Variants in DOCK3 observed in about 807,000 individuals in gnomAD.
DOCK3 encodes dedicator of cytokinesis 3.
DOCK3 carries 60 observed loss-of-function variants against 265.6 expected under a neutral mutation model. The ratio of observed to expected loss-of-function variants is 0.23; its 90% CI spans 0.18 to 0.28. The LOEUF is 0.28. Ranked by LOEUF, DOCK3 falls within the 10% of genes least tolerant of loss-of-function variation. The pLI is 1.00. For synonymous variants in DOCK3, 881 were observed against 938.0 expected, an observed-to-expected ratio of 0.94 and a Z score of 1.11; for missense variants, 1,981 against 2,594.3, an observed-to-expected ratio of 0.76 and a Z score of 5.14.
chr3:51,232,709 T>G (rs2078178522), intron 19 of DOCK3, among the ~76,000 whole-genome samples: 1 of 152,230 alleles, frequency 6.6e-6, no homozygotes, highest in Non-Finnish European at 1.5e-5. Flanking sequence ...CTTTGTCCAC[T>G]TTTTGATGGG....
intron 5 of DOCK3, among the ~76,000 whole-genome samples, chr3:51,013,021 C>A (rs140349382): frequency 6.6e-6 from 1 of 152,306 alleles, no homozygotes; most frequent in African/African-American, 2.4e-5. Flanking sequence ...GTCTTCTCCA[C>A]ACTGTTTATT....
At chr3:51,027,532 T>A (rs2079871619) in intron 5 of DOCK3, among the ~76,000 whole-genome samples, 1 of 152,182 alleles carries the variant, frequency 6.6e-6, no homozygotes, top group Non-Finnish European at 1.5e-5. Context: ...ATTCTGTCAA[T>A]GGGGTTTTGA....
rs770125264 is a variant in DOCK3, at chr3:51,275,065, A to G, written c.2549-14A>G. 2.5e-6 allele frequency: 4 copies of G among 1,613,462 alleles called. No homozygotes were observed. Among genetic ancestry groups the G allele is most frequent in the Non-Finnish European group, 3.4e-6 (4 of 1,179,770 alleles). ...CCTCTAAAGTTTTCTTCACCTTTGTATTTTCTCTCCCAGAATCCCGCCGCA... is the reference window on the plus strand; with the variant it reads ...CCTCTAAAGTTTTCTTCACCTTTGTGTTTTCTCTCCCAGAATCCCGCCGCA... On this transcript the variant is annotated splice_polypyrimidine_tract_variant and intron_variant, in intron 24 of 52. Transcript: ENST00000266037.
intron 2 of DOCK3, among the ~76,000 whole-genome samples, chr3:50,781,411 G>A (rs1465546507): frequency 6.6e-6 from 1 of 151,488 alleles, no homozygotes; most frequent in African/African-American, 2.4e-5. Context: ...GACTACAGGT[G>A]CACAACATCA....
At chr3:50,899,048 C>T (rs562054677) in intron 4 of DOCK3, among the ~76,000 whole-genome samples, 3 of 152,200 alleles carry the variant, frequency 2.0e-5, no homozygotes, top group African/African-American at 7.2e-5. Context: ...TTTTCTGTCT[C>T]GTTGATCTGT....
At chr3:50,729,609 C>T (rs1242020717) in intron 1 of DOCK3, among the ~76,000 whole-genome samples, 6 of 151,718 alleles carry the variant, frequency 4.0e-5, no homozygotes, top group African/African-American at 1.2e-4. Flanking sequence ...GATCATAGCT[C>T]ACTGTAACCT....
chr3:51,210,627 TG>T (rs1300346092), intron 13 of DOCK3, among the ~76,000 whole-genome samples: 2 of 152,258 alleles, frequency 1.3e-5, no homozygotes, highest in African/African-American at 4.8e-5. Flanking sequence ...TTTCTACTGC[TG>T]GACTCTGGGG....
chr3:51,080,584 G>A (rs1002073153), intron 7 of DOCK3, among the ~76,000 whole-genome samples: 3 of 152,126 alleles, frequency 2.0e-5, no homozygotes, highest in Non-Finnish European at 4.4e-5. Flanking sequence ...TGCCCATGTG[G>A]TATGCTTTCA....
chr3:51,121,258 C>T (rs1006744385), intron 9 of DOCK3, among the ~76,000 whole-genome samples: 2 of 152,174 alleles, frequency 1.3e-5, no homozygotes, highest in African/African-American at 4.8e-5. Context: ...GTTCCCCAAC[C>T]CCTTGTGCTT....
chr3:51,111,302 G>C (rs1474323145), intron 9 of DOCK3, among the ~76,000 whole-genome samples: 1 of 152,078 alleles, frequency 6.6e-6, no homozygotes, highest in Non-Finnish European at 1.5e-5. Flanking sequence ...ACTCTACTTT[G>C]TTGTTTTAAA....
At chr3:51,211,061 T>C (rs934631375) in intron 13 of DOCK3, among the ~76,000 whole-genome samples, 1 of 152,234 alleles carries the variant, frequency 6.6e-6, no homozygotes, top group South Asian at 2.1e-4. Flanking sequence ...AAGTTTTCTG[T>C]TTATTTTAAA....
At chr3:51,334,944 A>T (rs1037264675) in intron 35 of DOCK3, among the ~76,000 whole-genome samples, 1 of 152,190 alleles carries the variant, frequency 6.6e-6, no homozygotes, top group Non-Finnish European at 1.5e-5. Context: ...CAAAGTCTTT[A>T]ATATGGCATC....
chr3:51,249,311 C>A (rs561939644), intron 22 of DOCK3, among the ~76,000 whole-genome samples: 1 of 140,906 alleles, frequency 7.1e-6, no homozygotes, highest in East Asian at 2.2e-4. Flanking sequence ...CCAGCCGCCC[C>A]GTCCGGGAGG....
intron 21 of DOCK3, among the ~76,000 whole-genome samples, chr3:51,246,045 C>G (rs1402522593): frequency 1.3e-5 from 2 of 152,102 alleles, no homozygotes; most frequent in Non-Finnish European, 2.9e-5. Context: ...TAATCTCATT[C>G]CATTCAGATG....
At chr3:51,292,872 G>A (rs1296343929) in intron 27 of DOCK3, among the ~76,000 whole-genome samples, 2 of 151,882 alleles carry the variant, frequency 1.3e-5, no homozygotes, top group Non-Finnish European at 2.9e-5. Flanking sequence ...GTAGAGATGG[G>A]GTTTTACCAT....
At chr3:51,312,442 G>A (rs1234813465) in intron 29 of DOCK3, 34 bp from the exon 30 acceptor site, 6 of 1,582,546 alleles carry the variant, frequency 3.8e-6, no homozygotes, top group Non-Finnish European at 5.2e-6. Flanking sequence ...TAAGTTCTTA[G>A]ACTGTCACAT....
chr3:51,288,962 A>G (rs1245255368), intron 27 of DOCK3, among the ~76,000 whole-genome samples: 1 of 151,086 alleles, frequency 6.6e-6, no homozygotes, highest in Non-Finnish European at 1.5e-5. Context: ...TCGGTGGAGG[A>G]AGTAAAGAGA....
intron 3 of DOCK3, among the ~76,000 whole-genome samples, chr3:50,869,342 A>ATTTTTTT (rs755531254): frequency 0.029 from 2,056 of 70,104 alleles, 1,021 homozygotes; most frequent in Non-Finnish European, 0.036. Flanking sequence ...TCTGCTGGGA[A>ATTTTTTT]TTTTTTTTTT....
intron 49 of DOCK3, among the ~76,000 whole-genome samples, chr3:51,365,944 T>G (rs1322940490): frequency 6.6e-6 from 1 of 152,220 alleles, no homozygotes; most frequent in Non-Finnish European, 1.5e-5. Context: ...TGGTCTAAAA[T>G]TCTCTTTTTT....
Sources: gnomAD v4.1 joint callset for allele counts (sites outside exome capture counted in the v4.1 genomes callset) on GRCh38, gnomAD v4.1.1 for gene constraint, MANE v1.5 for transcripts, NCBI Gene and HGNC (gene_info 2026-07-23, HGNC 2026-07-21) for gene names.